Variants in EPHB1 observed in about 807,000 individuals in gnomAD.
EPHB1 encodes ephrin type-B receptor 1.
EPHB1 carries 30 observed loss-of-function variants against 94.4 expected under a neutral mutation model. That is an observed-to-expected ratio of 0.32 (90% CI 0.24 to 0.43). The LOEUF is 0.43. Ranked by LOEUF, EPHB1 falls within the 20% of genes least tolerant of loss-of-function variation. EPHB1 has a pLI of 1.00. For synonymous variants in EPHB1, 522 were observed against 489.1 expected, an observed-to-expected ratio of 1.07 and a Z score of -0.89; for missense variants, 1,055 against 1,308.3, an observed-to-expected ratio of 0.81 and a Z score of 2.99.
At chr3:135,025,165 CTTT>C (rs747024011) in intron 3 of EPHB1, among the ~76,000 whole-genome samples, 3 of 80,718 alleles carry the variant, frequency 3.7e-5, no homozygotes, top group South Asian at 5.5e-4. Context: ...TTCCTTCTTT[CTTT>C]TTTTTTTTTT....
At chr3:135,047,874 C>A (rs1272292602) in intron 3 of EPHB1, among the ~76,000 whole-genome samples, 1 of 152,138 alleles carries the variant, frequency 6.6e-6, no homozygotes, top group Non-Finnish European at 1.5e-5. Context: ...CTGTTACACA[C>A]CTTAAATGCA....
At chr3:135,153,458 T>A (rs1456343181) in intron 5 of EPHB1, among the ~76,000 whole-genome samples, 1 of 152,254 alleles carries the variant, frequency 6.6e-6, no homozygotes, top group African/African-American at 2.4e-5. Context: ...TTTACAGATT[T>A]TGGAATTATC....
chr3:135,039,461 G>A (rs944193386), intron 3 of EPHB1, among the ~76,000 whole-genome samples: 1 of 152,246 alleles, frequency 6.6e-6, no homozygotes, highest in African/African-American at 2.4e-5. Context: ...ATGGGACTGG[G>A]CGCCGTGGAG....
intron 9 of EPHB1, among the ~76,000 whole-genome samples, chr3:135,170,262 G>GCAAA (rs563214600): frequency 6.8e-4 from 103 of 152,286 alleles, no homozygotes; most frequent in South Asian, 3.5e-3. Context: ...AGAAATGTTT[G>GCAAA]CAAACAGAAT....
intron 12 of EPHB1, among the ~76,000 whole-genome samples, chr3:135,205,482 A>G (rs1229359190): frequency 6.6e-6 from 1 of 152,140 alleles, no homozygotes; most frequent in Non-Finnish European, 1.5e-5. Context: ...TACCTGGTTT[A>G]TTTTAAAAGT....
chr3:135,035,946 G>A (rs1936630304), intron 3 of EPHB1, among the ~76,000 whole-genome samples: 1 of 152,212 alleles, frequency 6.6e-6, no homozygotes, highest in African/African-American at 2.4e-5. Context: ...CAGGTTTGAA[G>A]AAAAGAGGGG....
intron 4 of EPHB1, among the ~76,000 whole-genome samples, chr3:135,116,897 A>G (rs1576399532): frequency 6.6e-6 from 1 of 152,218 alleles, no homozygotes. Context: ...AACCAGGACC[A>G]TGACTTTCCA....
chr3:134,975,063 A>G (rs1412331229), intron 3 of EPHB1, among the ~76,000 whole-genome samples: 3 of 144,858 alleles, frequency 2.1e-5, no homozygotes, highest in Admixed American at 6.8e-5. Flanking sequence ...GAGAACTTTC[A>G]CACATCATAT....
At chr3:135,162,852 C>T (rs1303360763) in intron 7 of EPHB1, among the ~76,000 whole-genome samples, 1 of 152,212 alleles carries the variant, frequency 6.6e-6, no homozygotes, top group Non-Finnish European at 1.5e-5. Flanking sequence ...TCCCAGTAGC[C>T]TCAGCATTGT....
At chr3:135,136,481 T>G in intron 5 of EPHB1, among the ~76,000 whole-genome samples, 1 of 152,138 alleles carries the variant, frequency 6.6e-6, no homozygotes, top group East Asian at 1.9e-4. Flanking sequence ...AGTGTTTTGT[T>G]TTTGTTTTTG....
At chr3:135,152,889 C>T (rs1214794234) in intron 5 of EPHB1, among the ~76,000 whole-genome samples, 1 of 152,142 alleles carries the variant, frequency 6.6e-6, no homozygotes, top group Non-Finnish European at 1.5e-5. Context: ...ATTTCACAGC[C>T]ACCACAAGGT....
chr3:135,161,486 C>A (rs1941505149), intron 6 of EPHB1, among the ~76,000 whole-genome samples: 1 of 152,116 alleles, frequency 6.6e-6, no homozygotes, highest in Admixed American at 6.5e-5. Flanking sequence ...GGACACAAAG[C>A]CTTTTGCCTG....
chr3:134,796,561 A>C (rs1356862618), intron 1 of EPHB1, among the ~76,000 whole-genome samples: 1 of 152,210 alleles, frequency 6.6e-6, no homozygotes, highest in Non-Finnish European at 1.5e-5. Context: ...TGCCCGGCGC[A>C]GCGGGGAGCC....
At chr3:135,114,519 G>A (rs1296225708) in intron 4 of EPHB1, among the ~76,000 whole-genome samples, 1 of 116,436 alleles carries the variant, frequency 8.6e-6, no homozygotes. Flanking sequence ...GGCCAATATG[G>A]TGAAACCCTG....
At chr3:135,201,175 G>T (rs1210453447) in intron 11 of EPHB1, among the ~76,000 whole-genome samples, 2 of 152,084 alleles carry the variant, frequency 1.3e-5, no homozygotes, top group Non-Finnish European at 2.9e-5. Context: ...GGCGGGCAAG[G>T]AGGCTGTTGT....
intron 3 of EPHB1, 65 bp downstream of exon 3, chr3:134,952,117 C>T: frequency 1.3e-6 from 2 of 1,498,600 alleles, no homozygotes; most frequent in South Asian, 2.6e-5. Flanking sequence ...GGTTTCCCCA[C>T]CAATAATTCT....
intron 10 of EPHB1, among the ~76,000 whole-genome samples, chr3:135,182,204 G>T (rs1233340267): frequency 1.3e-5 from 2 of 152,118 alleles, no homozygotes; most frequent in African/African-American, 4.8e-5. Flanking sequence ...TAAAAGAGCT[G>T]GTGTGAAGGT....
chr3:134,860,112 G>A (rs183601225), intron 1 of EPHB1, among the ~76,000 whole-genome samples: 1 of 149,562 alleles, frequency 6.7e-6, no homozygotes, highest in African/African-American at 2.4e-5. Context: ...AAAGTGCAGA[G>A]CTGTGTCATA....
chr3:134,986,704 A>G (rs1020524575), intron 3 of EPHB1, among the ~76,000 whole-genome samples: 2 of 139,884 alleles, frequency 1.4e-5, no homozygotes, highest in Non-Finnish European at 3.1e-5. Flanking sequence ...TTTGATTTAA[A>G]GATATTAACA....
Sources: gnomAD v4.1 joint callset for allele counts (sites outside exome capture counted in the v4.1 genomes callset) on GRCh38, gnomAD v4.1.1 for gene constraint, MANE v1.5 for transcripts, NCBI Gene and HGNC (gene_info 2026-07-23, HGNC 2026-07-21) for gene names.